Variants in WNT10A observed in about 807,000 individuals in gnomAD.
WNT10A encodes the protein protein Wnt-10a.
In WNT10A, 37 loss-of-function variants were observed where a neutral mutation model predicts 36.1. That is an observed-to-expected ratio of 1.02 (90% CI 0.79 to 1.35). The LOEUF (loss-of-function observed/expected upper bound fraction) is 1.35, where lower values mean the gene tolerates loss of function less well. Among genes scored for constraint, WNT10A ranks in the 40% most tolerant of loss-of-function variants. WNT10A has a pLI of 0.00. For synonymous variants in WNT10A, 255 were observed against 254.1 expected (o/e 1.00, Z -0.03); for missense variants, 613 against 601.4 (o/e 1.02, Z -0.20).
At chr2:218,888,260 G>A (rs191283849) in intron 2 of WNT10A, among the ~76,000 whole-genome samples, 1 of 152,370 alleles carries the variant, frequency 6.6e-6, no homozygotes, top group East Asian at 1.9e-4. Context: ...TCCATTCTCA[G>A]ATGCAGAATA....
chr2:218,890,451 T>A, intron 3 of WNT10A, 88 bp downstream of exon 3: 2 of 1,574,958 alleles, frequency 1.3e-6, no homozygotes, highest in Non-Finnish European at 1.7e-6. Flanking sequence ...GAGGACCACG[T>A]TGCTCCCACA....
chr2:218,889,525 G>C (rs540202617), intron 2 of WNT10A, among the ~76,000 whole-genome samples: 43 of 152,314 alleles, frequency 2.8e-4, no homozygotes, highest in Non-Finnish European at 5.4e-4. Context: ...GGTTGTACTA[G>C]TTTACATTCC....
At chr2:218,883,464 C>T (rs1227740238) in intron 2 of WNT10A, among the ~76,000 whole-genome samples, 1 of 152,016 alleles carries the variant, frequency 6.6e-6, no homozygotes, top group African/African-American at 2.4e-5. Context: ...CACCAGGACC[C>T]CTGCTTGCAT....
chr2:218,887,580 A>G (rs1944593866), intron 2 of WNT10A, among the ~76,000 whole-genome samples: 2 of 152,016 alleles, frequency 1.3e-5, no homozygotes, highest in African/African-American at 2.4e-5. Context: ...TGAGCTCCTT[A>G]TGCAAAAATG....
upstream of WNT10A, among the ~76,000 whole-genome samples, chr2:218,879,198 G>T (rs1459433429): frequency 6.6e-6 from 1 of 151,752 alleles, no homozygotes; most frequent in South Asian, 2.1e-4. Flanking sequence ...TGCTCAGGCC[G>T]CCCCCACCAC....
chr2:218,886,632 A>T (rs997947691), intron 2 of WNT10A, among the ~76,000 whole-genome samples: 1 of 72,762 alleles, frequency 1.4e-5, no homozygotes, highest in Non-Finnish European at 3.0e-5. Context: ...CCCCCCACCC[A>T]CCCCCCCACC....
chr2:218,891,902 G>T (rs950705072), intron 3 of WNT10A, among the ~76,000 whole-genome samples: 3 of 152,116 alleles, frequency 2.0e-5, no homozygotes, highest in Non-Finnish European at 4.4e-5. Flanking sequence ...AACTTCTTAC[G>T]GGGTTTCTGG....
rs767104236 is a variant in WNT10A, at chr2:218,881,033, G to C, written c.38G>C (p.Arg13Pro). The change falls in exon 1 of 4, where the codon CGA becomes CCA. Residue 13 changes from arginine to proline, a missense_variant. Transcript: ENST00000258411. ...SAHPRPWLRL[R>P]PQPQPRPALW... The stretch of plus-strand genomic sequence containing the variant: ...CACCCTCGCCCCTGGCTGCGGCTCC[G>C]ACCCCAGCCCCAGCCGCGGCCAGCG... 1.0e-5 allele frequency: 16 copies of C among 1,600,722 alleles called. No homozygotes were observed. In the Admixed American group the frequency reaches 1.7e-4, roughly 17 times the overall value.
chr2:218,889,303 A>G (rs964567767), intron 2 of WNT10A, among the ~76,000 whole-genome samples: 3 of 152,120 alleles, frequency 2.0e-5, no homozygotes, highest in Admixed American at 6.5e-5. Context: ...TTATACTGCA[A>G]TTTCTTTATC....
chr2:218,881,194 A>T, intron 1 of WNT10A, 86 bp downstream of exon 1: 1 of 1,533,156 alleles, frequency 6.5e-7, no homozygotes, highest in Non-Finnish European at 8.8e-7. Context: ...GGGGTAGAGG[A>T]CCCTGGAAGA....
At chr2:218,875,267 C>A in the WNT10A span, among the ~76,000 whole-genome samples, 1 of 130,650 alleles carries the variant, frequency 7.7e-6, no homozygotes, top group Non-Finnish European at 1.6e-5. Flanking sequence ...CAGCTCACTG[C>A]AAGTTCTGCC....
At chr2:218,874,187 C>A in the WNT10A span, 1 of 309,920 alleles carries the variant, frequency 3.2e-6, no homozygotes, top group Non-Finnish European at 5.8e-6. Flanking sequence ...CTGCTGGCCA[C>A]AGGATGGTGG....
chr2:218,889,217 C>T (rs1283072395), intron 2 of WNT10A, among the ~76,000 whole-genome samples: 1 of 152,220 alleles, frequency 6.6e-6, no homozygotes, highest in Non-Finnish European at 1.5e-5. Flanking sequence ...GAATAATAGT[C>T]TCAAATTCCA....
At chr2:218,891,859 G>A (rs188260590) in intron 3 of WNT10A, among the ~76,000 whole-genome samples, 2 of 152,140 alleles carry the variant, frequency 1.3e-5, no homozygotes, top group South Asian at 2.1e-4. Flanking sequence ...GTGTGTTTTC[G>A]GAGTGGACTG....
At chr2:218,880,181 C>G (rs769365573), upstream of WNT10A, among the ~76,000 whole-genome samples, 36 of 152,206 alleles carry the variant, frequency 2.4e-4, no homozygotes, top group Non-Finnish European at 4.7e-4. The surrounding 1 kb of genome is among the most constrained non-coding windows in gnomAD (Gnocchi z 7.7). Context: ...GCCAGCCCCT[C>G]CCCTCCAGCC....
the WNT10A span, among the ~76,000 whole-genome samples, chr2:218,874,523 C>T: frequency 2.6e-5 from 4 of 152,204 alleles, no homozygotes; most frequent in Admixed American, 6.5e-5. Context: ...AACAATATTT[C>T]CTTCCTTCTG....
At chr2:218,881,364 G>A (rs1004338434) in intron 1 of WNT10A, among the ~76,000 whole-genome samples, 9 of 152,144 alleles carry the variant, frequency 5.9e-5, no homozygotes, top group Non-Finnish European at 1.3e-4. Context: ...GTGTGTGGGG[G>A]GGGAGCAAGT....
At chr2:218,892,305 A>C (rs1489569325) in intron 3 of WNT10A, among the ~76,000 whole-genome samples, 38 of 174 alleles carry the variant, frequency 0.22, 2 homozygotes, top group Non-Finnish European at 0.023. Context: ...CCACCCCACC[A>C]CACACACACA....
chr2:218,878,590 G>A (rs1028909808), upstream of WNT10A, among the ~76,000 whole-genome samples: 2 of 152,062 alleles, frequency 1.3e-5, no homozygotes, highest in African/African-American at 4.8e-5. This position sits in a 1 kb window ranked among gnomAD's most constrained non-coding sequence, Gnocchi z 4.1. Context: ...TAGCTAGAAA[G>A]ACAGACACCC....
Sources: allele counts gnomAD v4.1 joint callset (sites outside exome capture counted in the v4.1 genomes callset), GRCh38; gene constraint gnomAD v4.1.1; non-coding constraint Gnocchi (gnomAD v3.1); transcripts MANE v1.5; gene names NCBI Gene and HGNC (gene_info 2026-07-23, HGNC 2026-07-21).